RAD50: variants seen among roughly 807,000 people sequenced by gnomAD.
RAD50 encodes the protein RAD50 double strand break repair protein, also known as DNA repair protein RAD50.
RAD50 carries 132 observed loss-of-function variants against 168.8 expected under a neutral mutation model. That is an observed-to-expected ratio of 0.78 (90% CI 0.68 to 0.90). The LOEUF is 0.90. RAD50 is among the 40% of genes least tolerant of loss of function. The pLI, the probability that RAD50 is intolerant of heterozygous loss-of-function variation, is 0.00. For missense variants in RAD50, 1,347 were observed against 1,534.4 expected (o/e 0.88, Z 2.04); for synonymous variants, 525 against 497.4 (o/e 1.06, Z -0.74).
intron 19 of RAD50, 78 bp from the exon 20 acceptor site, chr5:132,615,925 C>A: frequency 7.7e-7 from 1 of 1,305,466 alleles, no homozygotes; most frequent in Non-Finnish European, 1.1e-6. Context: ...ATGGCACTTG[C>A]TGTCACCAGT....
At chr5:132,592,947 G>A (rs1270236386) in intron 11 of RAD50, 1 of 466,774 alleles carries the variant, frequency 2.1e-6, no homozygotes, top group Admixed American at 2.4e-5. Flanking sequence ...TCAGAATTGT[G>A]TAACCTGAAT....
Position 132,642,215 on chromosome 5 carries a change from C to T in RAD50, c.3790C>T (p.Leu1264Phe), listed in dbSNP as rs199579239. Residue 1264 changes from leucine (L) to phenylalanine (F), a missense_variant, in exon 25 of 25, where the codon CTT (leucine) becomes TTT (phenylalanine). Physicochemically the swap from Leu to Phe is conservative, Grantham distance 22. Around this residue, in one of 3 missense-constraint regions of RAD50, gnomAD observed 635 missense variants for 739.2 expected, o/e 0.86. Coordinates refer to ENST00000378823, the MANE Select transcript of RAD50 (RefSeq NM_005732.4). ...TCGCTCACAGCAGCGTAACTTCCAG[C>T]TTCTGGTAATCACTCATGATGAAGA... The part of the protein sequence containing the change: ...KSRSQQRNFQ[L>F]LVITHDEDFV... 6.8e-5 allele frequency: 110 copies of T among 1,614,174 alleles called. No homozygotes were observed. In the East Asian group the frequency reaches 2.3e-3, roughly 34 times the overall value.
intron 19 of RAD50, among the ~76,000 whole-genome samples, chr5:132,613,115 CA>C: frequency 6.6e-6 from 1 of 151,982 alleles, no homozygotes; most frequent in East Asian, 1.9e-4. Flanking sequence ...TTTATGTTTC[CA>C]TAGGTGACCA....
intron 16 of RAD50, among the ~76,000 whole-genome samples, chr5:132,607,191 G>C (rs1581003520): frequency 6.6e-6 from 1 of 152,224 alleles, no homozygotes; most frequent in South Asian, 2.1e-4. Context: ...GCCTGGTTAA[G>C]TAGTAAATGT....
intron 21 of RAD50, among the ~76,000 whole-genome samples, chr5:132,625,089 CTTT>C (rs1160789107): frequency 2.8e-5 from 4 of 140,530 alleles, no homozygotes; most frequent in African/African-American, 2.6e-5. Context: ...ATTTTGAATT[CTTT>C]TTTTTTTTTT....
At chr5:132,561,741 C>G (rs1227358997) in intron 2 of RAD50, among the ~76,000 whole-genome samples, 1 of 152,142 alleles carries the variant, frequency 6.6e-6, no homozygotes, top group Non-Finnish European at 1.5e-5. Flanking sequence ...CTCTTGATTC[C>G]TTGTACCCAC....
At chr5:132,575,553 A>G (rs1293461259) in intron 2 of RAD50, among the ~76,000 whole-genome samples, 3 of 152,176 alleles carry the variant, frequency 2.0e-5, no homozygotes, top group Non-Finnish European at 4.4e-5. Flanking sequence ...TGCATACCTG[A>G]TCTCCTAATG....
intron 2 of RAD50, among the ~76,000 whole-genome samples, chr5:132,570,160 G>A (rs544218033): frequency 3.3e-5 from 5 of 152,140 alleles, no homozygotes; most frequent in Non-Finnish European, 5.9e-5. Context: ...TCCAAAATCC[G>A]TTAGGTGTGG....
chr5:132,620,466 AT>A (rs1751267054), intron 21 of RAD50, among the ~76,000 whole-genome samples: 1 of 152,078 alleles, frequency 6.6e-6, no homozygotes, highest in Non-Finnish European at 1.5e-5. Flanking sequence ...CACCATCTTA[AT>A]TACATATAGC....
intron 2 of RAD50, among the ~76,000 whole-genome samples, chr5:132,565,927 C>T (rs1457684174): frequency 6.6e-6 from 1 of 152,164 alleles, no homozygotes; most frequent in East Asian, 1.9e-4. Context: ...CCTTCTCAGC[C>T]TACTCAAGCT....
At position 132,643,901 on chromosome 5, in the gene RAD50, G is replaced by C. The variant is rs1751796157; in HGVS notation, c.*1537G>C. On this transcript the variant is annotated 3_prime_UTR_variant, in exon 25 of 25. Transcript: ENST00000378823. ...TAAAACCGAAGGTGAAAAAAATTCTGAAAAAATTCTAGCAGCTATATTTGA... is the reference window on the plus strand; with the variant it reads ...TAAAACCGAAGGTGAAAAAAATTCTCAAAAAATTCTAGCAGCTATATTTGA... The C allele has an allele frequency of 4.3e-6, 1 of 231,424 alleles. No homozygotes were observed. Among genetic ancestry groups the C allele is most frequent in the Non-Finnish European group, 8.5e-6 (1 of 117,070 alleles). 14.3% of individuals were successfully genotyped at this position (231,424 alleles called of 1,614,324 possible).
At position 132,591,424 on chromosome 5, in the gene RAD50, G is replaced by T. The variant is rs1561640827; in HGVS notation, c.1635+18G>T. The stretch of plus-strand genomic sequence containing the variant: ...AAGACAAAGTATGATTTTTCTTTTT[G>T]TTCTAATTATACTGTCTGGTACTTA... On this transcript the variant is annotated intron_variant, in intron 10 of 24. Coordinates refer to ENST00000378823, the MANE Select transcript of RAD50 (RefSeq NM_005732.4). 6.2e-7 allele frequency: 1 copy of T among 1,604,642 alleles called. No individual in the cohort carries two copies. The highest frequency in any genetic ancestry group is 1.3e-5 in the African/African-American group (1 of 74,764).
chr5:132,640,981 TC>T (rs1751709016), intron 24 of RAD50, among the ~76,000 whole-genome samples, 176 bp downstream of exon 24: 1 of 152,126 alleles, frequency 6.6e-6, no homozygotes, highest in African/African-American at 2.4e-5. Flanking sequence ...TGATAGTAAT[TC>T]TTCAGATCCC....
At position 132,603,451 on chromosome 5, in the gene RAD50, G is replaced by A; in HGVS notation, c.2359G>A (p.Val787Ile). Residue 787 changes from valine (V) to isoleucine (I), a missense_variant, in exon 14 of 25, where the codon GTA becomes ATA. Transcript: ENST00000378823. ...AATGCCTGAAGAAGAAAGTGCCAAAGTATGCCTGACAGATGTTACAATTAT... is the reference window on the plus strand; with the variant it reads ...AATGCCTGAAGAAGAAAGTGCCAAAATATGCCTGACAGATGTTACAATTAT... ...TIMPEEESAK[V>I]CLTDVTIMER... is the part of the protein sequence containing the mutation. 2 of 1,613,952 alleles carry A rather than the reference G, an allele frequency of 1.2e-6. No homozygotes were observed. The highest frequency in any genetic ancestry group is 1.7e-6 in the Non-Finnish European group (2 of 1,179,894).
chr5:132,594,780 G>T, intron 11 of RAD50, 89 bp from the exon 12 acceptor site: 1 of 1,303,076 alleles, frequency 7.7e-7, no homozygotes. Flanking sequence ...ATGATTTGTT[G>T]GCAGAATTTG....
In RAD50 at chr5:132,606,081, A is replaced by G. The variant is rs1193396064; in HGVS notation, c.2718+1082A>G. Among the ~76,000 whole-genome samples, 4 of 152,092 alleles carry G rather than the reference A, an allele frequency of 2.6e-5. No homozygotes were observed. In the East Asian group the frequency reaches 7.7e-4, roughly 29 times the overall value. The stretch of plus-strand genomic sequence containing the variant: ...CAAAATTAAAAGAACTAGAGAAACA[A>G]GAGCAAACAAATTCAAAAGCCAGCA... On this transcript the variant is annotated intron_variant, in intron 16 of 24. Coordinates refer to ENST00000378823, the MANE Select transcript of RAD50 (RefSeq NM_005732.4).
At position 132,640,154 on chromosome 5, in the gene RAD50, A is replaced by G. The variant is rs146824521; in HGVS notation, c.3619-518A>G. On this transcript the variant is annotated intron_variant, in intron 23 of 24. Transcript: ENST00000378823. ...GAAACCACATTTCTATACTCCTGATACTTTGACCTAGGATTTTCTTTTTTA... is the reference window on the plus strand; with the variant it reads ...GAAACCACATTTCTATACTCCTGATGCTTTGACCTAGGATTTTCTTTTTTA... Among the ~76,000 whole-genome samples the G allele has an allele frequency of 2.3e-3, 351 of 152,314 alleles. 1 individual carries two copies. Among genetic ancestry groups the G allele is most frequent in the Non-Finnish European group, 3.9e-3 (262 of 68,026 alleles).
rs1238097842 is a variant in RAD50, at chr5:132,642,946, C to T, written c.*582C>T. On this transcript the variant is annotated 3_prime_UTR_variant, in exon 25 of 25. Transcript: ENST00000378823. ...ATGGGGTCTCAAAGTTTGACAGGAA[C>T]CTTAAGTAATCATCTAAGTCAGTAC... 2 of 483,796 alleles carry T rather than the reference C, an allele frequency of 4.1e-6. No individual in the cohort carries two copies. Among genetic ancestry groups the T allele is most frequent in the South Asian group, 3.3e-5 (2 of 60,812 alleles). The allele number at this position is 483,796 out of a possible 1,614,324, so 30.0% of individuals were successfully genotyped here.
At position 132,604,866 on chromosome 5, in the gene RAD50, A is replaced by C; in HGVS notation, c.2585A>C (p.His862Pro). ...CAGGACCAGCAGGAACAGATTCAACATCTAAAAAGTACAACAAATGAGCTA... is the reference window on the plus strand; with the variant it reads ...CAGGACCAGCAGGAACAGATTCAACCTCTAAAAAGTACAACAAATGAGCTA... ...LIQDQQEQIQ[H>P]LKSTTNELKS... The change falls in exon 16 of 25, where the codon CAT becomes CCT. Residue 862 changes from histidine to proline, a missense_variant. This residue lies in a region of RAD50 where 635 missense variants were observed against 739.2 expected (regional missense o/e 0.86). Transcript: ENST00000378823. 1 of 1,613,824 alleles carries C rather than the reference A, an allele frequency of 6.2e-7. No homozygotes were observed. Among genetic ancestry groups the C allele is most frequent in the Non-Finnish European group, 8.5e-7 (1 of 1,179,770 alleles).
Sources: gnomAD v4.1 joint callset for allele counts (sites outside exome capture counted in the v4.1 genomes callset) on GRCh38, gnomAD v4.1.1 for gene constraint, gnomAD v4.1.1 regional missense constraint, MANE v1.5 for transcripts, NCBI Gene and HGNC (gene_info 2026-07-23, HGNC 2026-07-21) for gene names.